The following OSBPL10 variants were observed in gnomAD, a reference collection of about 807,000 sequenced individuals.
OSBPL10 encodes the protein oxysterol-binding protein-related protein 10.
A neutral mutation model predicts 81.7 loss-of-function variants in OSBPL10; 49 were observed. The observed-to-expected ratio is 0.60, with a 90% confidence interval of 0.48 to 0.76. The LOEUF (loss-of-function observed/expected upper bound fraction) is 0.76, where lower values mean the gene tolerates loss of function less well. Ranked by LOEUF, OSBPL10 falls within the 30% of genes least tolerant of loss-of-function variation. The pLI is 0.00. For missense variants in OSBPL10, 923 were observed against 987.8 expected, an observed-to-expected ratio of 0.93 and a Z score of 0.88; for synonymous variants, 419 against 383.6, an observed-to-expected ratio of 1.09 and a Z score of -1.08.
intron 1 of OSBPL10, among the ~76,000 whole-genome samples, chr3:31,884,426 A>G (rs181616224): frequency 3.3e-5 from 5 of 152,384 alleles, no homozygotes; most frequent in Non-Finnish European, 4.4e-5. Context: ...CCAACAGACT[A>G]GAAAAAAATT....
intron 8 of OSBPL10, among the ~76,000 whole-genome samples, chr3:31,682,220 G>C (rs938464984): frequency 1.3e-5 from 2 of 151,922 alleles, no homozygotes; most frequent in Admixed American, 1.3e-4. Context: ...CATTACCCCC[G>C]CCCAGGGTCT....
chr3:31,933,854 T>A (rs552856425), intron 1 of OSBPL10, among the ~76,000 whole-genome samples: 1 of 152,256 alleles, frequency 6.6e-6, no homozygotes, highest in South Asian at 2.1e-4. Flanking sequence ...AGAGACTCTC[T>A]AGGCCACTTA....
chr3:31,963,427 C>T (rs907959111), intron 1 of OSBPL10, among the ~76,000 whole-genome samples: 9 of 152,162 alleles, frequency 5.9e-5, no homozygotes, highest in African/African-American at 2.2e-4. Flanking sequence ...CACAGTTTAA[C>T]ACTGATTAAA....
rs140966321 is a variant in OSBPL10 at position 31,809,461 on chromosome 3, T to C, written c.729+20579A>G. On this transcript the variant is annotated intron_variant, in intron 4 of 11. Transcript: ENST00000396556. ...TTCAGCTGGATAACTATGCCCCTAT[T>C]CTTAGAAAGTATATCATTCAGATGT... 4.5e-3 allele frequency among the ~76,000 whole-genome samples: 692 copies of C among 152,320 alleles called. 9 individuals carry two copies. Among genetic ancestry groups the C allele is most frequent in the African/African-American group, 0.016 (654 of 41,578 alleles).
chr3:31,974,584 A>G (rs892520615), intron 1 of OSBPL10, among the ~76,000 whole-genome samples: 2 of 152,362 alleles, frequency 1.3e-5, no homozygotes, highest in African/African-American at 4.8e-5. Flanking sequence ...AACTATACAC[A>G]GAAACATGCG....
intron 2 of OSBPL10, chr3:31,990,348 G>C: frequency 3.1e-6 from 5 of 1,614,072 alleles, no homozygotes; most frequent in African/African-American, 2.7e-5. Context: ...ATAATGAAGA[G>C]AGATCTTACA....
At chr3:31,850,433 C>T (rs936500224) in intron 3 of OSBPL10, among the ~76,000 whole-genome samples, 2 of 151,784 alleles carry the variant, frequency 1.3e-5, no homozygotes, top group South Asian at 2.1e-4. Context: ...AAAATATGAC[C>T]CCACTTCCCC....
At chr3:31,885,208 CACAA>C (rs1440492522) in intron 1 of OSBPL10, among the ~76,000 whole-genome samples, 2 of 152,112 alleles carry the variant, frequency 1.3e-5, no homozygotes, top group Admixed American at 6.5e-5. Flanking sequence ...CACTGATGCC[CACAA>C]ACATACATGC....
At chr3:31,799,008 CA>C (rs1286547530) in intron 4 of OSBPL10, among the ~76,000 whole-genome samples, 24 of 152,290 alleles carry the variant, frequency 1.6e-4, no homozygotes, top group Non-Finnish European at 1.8e-4. Context: ...ACTGCTGATT[CA>C]CCGCTCACCT....
intron 4 of OSBPL10, among the ~76,000 whole-genome samples, chr3:31,769,213 C>A (rs541558837): frequency 2.0e-5 from 3 of 151,966 alleles, no homozygotes; most frequent in South Asian, 4.2e-4. Context: ...GAGGCCGAGG[C>A]GGGCAGATCA....
chr3:31,981,132 G>A lies in OSBPL10; in HGVS notation c.48C>T (p.Ser16=), dbSNP rs932860285. The stretch of plus-strand genomic sequence containing the variant: ...TAGCACGGCTGCTGCTGCGGCTGCT[G>A]CTGTTGCTACCCCCGCCGCCGTCTG... ...QGTDGGGGSN[S]SSRSSSRATS... The change falls in exon 1 of 12, where the codon AGC becomes AGT. Residue 16 remains serine, a synonymous_variant. Transcript: ENST00000396556. The surrounding 1 kb of genome is among the most constrained non-coding windows in gnomAD (Gnocchi z 4.5). 1.9e-5 allele frequency: 28 copies of A among 1,492,002 alleles called. No homozygotes were observed. The highest frequency in any genetic ancestry group is 2.9e-5 in the African/African-American group (2 of 68,322). The allele number at this position is 1,492,002 out of a possible 1,614,324, so 92.4% of individuals were successfully genotyped here.
In OSBPL10 at chr3:31,907,562, G is replaced by A. The variant is rs150677361; in HGVS notation, c.282-27732C>T. Among the ~76,000 whole-genome samples the A allele has an allele frequency of 5.6e-3, 752 of 133,108 alleles. 1 individual carries two copies. The highest frequency in any genetic ancestry group is 0.02 in the African/African-American group (711 of 35,012). The allele number at this position is 133,108 out of a possible 152,430, so 87.3% of individuals were successfully genotyped here. A position where few individuals can be genotyped will look rare whatever the true frequency, so the allele number is the denominator to read the frequency against. Reference sequence around the variant, plus strand: ...GAATCACTTGAACCCAAGAGGCAGAGGTTGCAGTGAGCCAAGATCACACCA... The same window carrying A: ...GAATCACTTGAACCCAAGAGGCAGAAGTTGCAGTGAGCCAAGATCACACCA... On this transcript the variant is annotated intron_variant, in intron 1 of 11. Transcript: ENST00000396556.
chr3:31,723,477 A>G (rs17028110), intron 6 of OSBPL10, among the ~76,000 whole-genome samples: 6,652 of 151,900 alleles, frequency 0.044, 478 homozygotes, highest in African/African-American at 0.15. Flanking sequence ...CATCCATAAG[A>G]TCTGAAAAAC....
rs79440731 is a variant in OSBPL10 at position 31,915,175 on chromosome 3, A to G, written c.282-35345T>C. Among the ~76,000 whole-genome samples the G allele has an allele frequency of 9.2e-3, 1,396 of 151,346 alleles. 20 individuals carry two copies. The highest frequency in any genetic ancestry group is 0.032 in the African/African-American group (1,342 of 41,296). On this transcript the variant is annotated intron_variant, in intron 1 of 11. Coordinates refer to ENST00000396556, the MANE Select transcript of OSBPL10 (RefSeq NM_017784.5). ...CTTTGAACACATTTTTTTTTTTAAT[A>G]AATAGCCATTGAATGGTAACAGGGG...
At chr3:31,742,132 CA>C (rs1697371341) in intron 5 of OSBPL10, among the ~76,000 whole-genome samples, 1 of 152,150 alleles carries the variant, frequency 6.6e-6, no homozygotes, top group African/African-American at 2.4e-5. Context: ...AAAGCTTCAC[CA>C]AAAGCAGTAG....
intron 4 of OSBPL10, among the ~76,000 whole-genome samples, chr3:31,750,820 G>A (rs79338270): frequency 0.043 from 6,479 of 151,668 alleles, 473 homozygotes; most frequent in African/African-American, 0.15. Context: ...TAAACTATAC[G>A]GTATATACTC....
At chr3:31,854,518 T>G (rs1700857379) in intron 3 of OSBPL10, among the ~76,000 whole-genome samples, 1 of 152,226 alleles carries the variant, frequency 6.6e-6, no homozygotes, top group Admixed American at 6.5e-5. Context: ...GAATATATAC[T>G]TTTTAAAAAA....
chr3:31,679,023 A>C (rs186163910), intron 8 of OSBPL10, among the ~76,000 whole-genome samples: 79 of 152,026 alleles, frequency 5.2e-4, no homozygotes, highest in African/African-American at 1.8e-3. Flanking sequence ...TCAGATCCCA[A>C]AATGTGGCCT....
chr3:31,840,446 A>T (rs1315823346), intron 3 of OSBPL10, among the ~76,000 whole-genome samples: 3 of 152,262 alleles, frequency 2.0e-5, no homozygotes, highest in African/African-American at 7.2e-5. Flanking sequence ...TGCTAAAAAA[A>T]TTAAATCACG....
Sources: allele counts gnomAD v4.1 joint callset (sites outside exome capture counted in the v4.1 genomes callset), GRCh38; gene constraint gnomAD v4.1.1; non-coding constraint Gnocchi (gnomAD v3.1); transcripts MANE v1.5; gene names NCBI Gene and HGNC (gene_info 2026-07-23, HGNC 2026-07-21).